Variants in CCDC60 observed in about 807,000 individuals in gnomAD.
CCDC60 encodes the protein coiled-coil domain-containing protein 60.
A neutral mutation model predicts 63.5 loss-of-function variants in CCDC60; 54 were observed. That is an observed-to-expected ratio of 0.85 (90% CI 0.68 to 1.07). The LOEUF (loss-of-function observed/expected upper bound fraction) is 1.07. CCDC60 is among the 50% of genes least tolerant of loss of function. The pLI is 0.00. For missense variants in CCDC60, 651 were observed against 684.3 expected (o/e 0.95, Z 0.54); for synonymous variants, 206 against 238.8 (o/e 0.86, Z 1.27).
At position 119,529,724 on chromosome 12, in the gene CCDC60, G is replaced by A. The variant is rs151129598; in HGVS notation, c.1361+978G>A. On this transcript the variant is annotated intron_variant, in intron 12 of 13. Transcript: ENST00000327554. ...AGTCTTTTAAGAGGGACCCTCTTACGAAAGGGAGAAAAGGGTCTTCTGCAA... is the reference window on the plus strand; with the variant it reads ...AGTCTTTTAAGAGGGACCCTCTTACAAAAGGGAGAAAAGGGTCTTCTGCAA... 4.1e-4 allele frequency among the ~76,000 whole-genome samples: 62 copies of A among 152,214 alleles called. 1 individual carries two copies. The East Asian group carries it at 0.01, about 25-fold the overall frequency.
In CCDC60 at chr12:119,355,380, C is replaced by T. The variant is rs79383809; in HGVS notation, c.90+20114C>T. ...TGTTTTCTTCCTCCCTAACTCTGTG[C>T]GGTTCCACAGTCAGAGCCTTCATCA... On this transcript the variant is annotated intron_variant, in intron 1 of 13. Transcript: ENST00000327554. 7.9e-3 allele frequency among the ~76,000 whole-genome samples: 1,199 copies of T among 152,338 alleles called. 14 individuals are homozygous for T. The highest frequency in any genetic ancestry group is 0.027 in the African/African-American group (1,143 of 41,570).
At chr12:119,425,574 G>T (rs1956885447) in intron 1 of CCDC60, among the ~76,000 whole-genome samples, 1 of 152,170 alleles carries the variant, frequency 6.6e-6, no homozygotes, top group African/African-American at 2.4e-5. Flanking sequence ...TTCCAGTGAA[G>T]CTTGATCAGT....
At position 119,520,148 on chromosome 12, in the gene CCDC60, GA is replaced by G. The variant is rs750462883; in HGVS notation, c.997del (p.Ser333ValfsTer54). On this transcript the variant is annotated frameshift_variant, in exon 9 of 14. Transcript: ENST00000327554. LOFTEE classifies it high-confidence loss of function. ...SILSVLKQNK[S>X]NSAYKEMQTT... ...TCTTGTCAGTGCTGAAACAAAACAA[GA>G]GTAATTCTGCTTATAAGGAAATGCA... The G allele has an allele frequency of 6.2e-7, 1 of 1,613,886 alleles. No homozygotes were observed. Among genetic ancestry groups the G allele is most frequent in the South Asian group, 1.1e-5 (1 of 90,988 alleles).
intron 4 of CCDC60, among the ~76,000 whole-genome samples, chr12:119,484,268 T>C (rs1203552745): frequency 1.3e-5 from 2 of 152,216 alleles, no homozygotes; most frequent in African/African-American, 4.8e-5. Flanking sequence ...TTTATAAGAA[T>C]GAACTTAGTT....
At position 119,530,854 on chromosome 12, in the gene CCDC60, C is replaced by G; in HGVS notation, c.1362-20C>G. ...TCTTCCAGCAGCTTCCTAACTTGTC[C>G]TCTCCTTTTGGAATTGAAGGTACTT... On this transcript the variant is annotated intron_variant, in intron 12 of 13. Coordinates refer to ENST00000327554, the MANE Select transcript of CCDC60 (RefSeq NM_178499.5). 6.2e-7 allele frequency: 1 copy of G among 1,605,020 alleles called. No individual in the cohort carries two copies. Among genetic ancestry groups the G allele is most frequent in the South Asian group, 1.1e-5 (1 of 89,780 alleles).
At chr12:119,471,039 C>G (rs183957757) in intron 2 of CCDC60, among the ~76,000 whole-genome samples, 1 of 152,174 alleles carries the variant, frequency 6.6e-6, no homozygotes, top group African/African-American at 2.4e-5. Flanking sequence ...CATCTAGGAA[C>G]AAAGTGGGCA....
At chr12:119,348,677 G>C (rs1955622275) in intron 1 of CCDC60, among the ~76,000 whole-genome samples, 1 of 152,168 alleles carries the variant, frequency 6.6e-6, no homozygotes, top group African/African-American at 2.4e-5. Flanking sequence ...ATTTGTGATT[G>C]ACATTTTTCA....
chr12:119,356,812 G>A (rs1955723980), intron 1 of CCDC60, among the ~76,000 whole-genome samples: 1 of 152,126 alleles, frequency 6.6e-6, no homozygotes, highest in South Asian at 2.1e-4. Context: ...GCAATGTCTT[G>A]CATTTCTCTC....
At chr12:119,369,846 T>C (rs948835056) in intron 1 of CCDC60, among the ~76,000 whole-genome samples, 2 of 152,114 alleles carry the variant, frequency 1.3e-5, no homozygotes, top group Non-Finnish European at 2.9e-5. Context: ...GTTGAATGAA[T>C]GAATGTGGTG....
At chr12:119,361,382 T>C (rs531057297) in intron 1 of CCDC60, among the ~76,000 whole-genome samples, 2 of 152,308 alleles carry the variant, frequency 1.3e-5, no homozygotes, top group African/African-American at 4.8e-5. Flanking sequence ...GACAAAGTCA[T>C]CAAGAATCTG....
intron 1 of CCDC60, among the ~76,000 whole-genome samples, chr12:119,362,509 C>T (rs944626369): frequency 6.6e-6 from 1 of 152,150 alleles, no homozygotes; most frequent in African/African-American, 2.4e-5. Flanking sequence ...GTAATGAAAT[C>T]ATAGGGTATA....
At chr12:119,515,739 G>T (rs1566056155) in intron 7 of CCDC60, among the ~76,000 whole-genome samples, 1 of 152,216 alleles carries the variant, frequency 6.6e-6, no homozygotes, top group Non-Finnish European at 1.5e-5. Context: ...CCAGCATGCA[G>T]CAGGAATGGG....
At chr12:119,412,076 G>T (rs1956613268) in intron 1 of CCDC60, among the ~76,000 whole-genome samples, 1 of 152,126 alleles carries the variant, frequency 6.6e-6, no homozygotes, top group Non-Finnish European at 1.5e-5. Flanking sequence ...AGCCTCAAAA[G>T]GTAATCCATG....
chr12:119,436,221 C>T (rs1259810242), intron 2 of CCDC60, among the ~76,000 whole-genome samples: 1 of 152,146 alleles, frequency 6.6e-6, no homozygotes, highest in Non-Finnish European at 1.5e-5. Flanking sequence ...CACAATCATA[C>T]AGCTAATTCT....
At chr12:119,353,490 C>CTG (rs1425472153) in intron 1 of CCDC60, among the ~76,000 whole-genome samples, 1 of 80,090 alleles carries the variant, frequency 1.2e-5, no homozygotes, top group Non-Finnish European at 2.7e-5. Context: ...GTCTCTGTCT[C>CTG]TGTCTCTCTG....
At chr12:119,428,053 A>C (rs1206495093) in intron 1 of CCDC60, among the ~76,000 whole-genome samples, 1 of 152,146 alleles carries the variant, frequency 6.6e-6, no homozygotes, top group Non-Finnish European at 1.5e-5. Flanking sequence ...TCAACTTCTG[A>C]GTAATGTGAG....
rs75646028 is a variant in CCDC60 at position 119,444,344 on chromosome 12, A to G, written c.170+15582A>G. 6.2e-3 allele frequency among the ~76,000 whole-genome samples: 942 copies of G among 152,348 alleles called. 12 individuals are homozygous for G. The highest frequency in any genetic ancestry group is 0.021 in the African/African-American group (890 of 41,572). On this transcript the variant is annotated intron_variant, in intron 2 of 13. Coordinates refer to ENST00000327554, the MANE Select transcript of CCDC60 (RefSeq NM_178499.5). ...GAGCCAATGGCTTGAATCAATGGGA[A>G]AAGAAAAGGCTAGATAAGAGTTAAT...
intron 4 of CCDC60, among the ~76,000 whole-genome samples, chr12:119,480,551 C>CCATCACCAACACCAT (rs1951280735): frequency 6.6e-6 from 1 of 151,828 alleles, no homozygotes; most frequent in South Asian, 2.1e-4. Flanking sequence ...GATGCAAAAA[C>CCATCACCAACACCAT]CATCACCAAC....
intron 2 of CCDC60, among the ~76,000 whole-genome samples, chr12:119,436,404 C>A (rs1311000684): frequency 6.6e-6 from 1 of 151,992 alleles, no homozygotes; most frequent in Non-Finnish European, 1.5e-5. Flanking sequence ...CTGTTTGGAG[C>A]CAGAGGTTCC....
Sources: gnomAD v4.1 joint callset for allele counts (sites outside exome capture counted in the v4.1 genomes callset) on GRCh38, gnomAD v4.1.1 for gene constraint, MANE v1.5 for transcripts, NCBI Gene and HGNC (gene_info 2026-07-23, HGNC 2026-07-21) for gene names.